Variants in DZANK1 observed in about 807,000 individuals in gnomAD.
DZANK1 encodes the protein double zinc ribbon and ankyrin repeat domains 1.
A neutral mutation model predicts 94.5 loss-of-function variants in DZANK1; 91 were observed. The observed-to-expected ratio is 0.96, with a 90% CI of 0.81 to 1.15. The LOEUF is 1.15. Among genes scored for constraint, DZANK1 ranks in the 50% most tolerant of loss-of-function variants. DZANK1 has a pLI of 0.00. For missense variants in DZANK1, 903 were observed against 916.4 expected, an observed-to-expected ratio of 0.99 and a Z score of 0.19; for synonymous variants, 312 against 325.3, an observed-to-expected ratio of 0.96 and a Z score of 0.44.
In DZANK1 at chr20:18,455,317, T is replaced by C; in HGVS notation, c.308A>G (p.Asp103Gly). 3 of 1,609,180 alleles carry C rather than the reference T, an allele frequency of 1.9e-6. No homozygotes were observed. The South Asian group carries it at 3.3e-5, about 18-fold the overall frequency. ...AGAGACTATATTTGGTGGTTCATAG[T>C]CTACGTGAAACACCTTTGTCACAAT... Residue 103 changes from aspartate to glycine, a missense_variant, in exon 4 of 21, where the codon GAC becomes GGC. Asp to Gly is a moderately conservative substitution (Grantham distance 94). Coordinates refer to ENST00000262547, the Ensembl canonical transcript of DZANK1.
chr20:18,436,905 A>G (rs2058546638), intron 8 of DZANK1, among the ~76,000 whole-genome samples: 1 of 152,242 alleles, frequency 6.6e-6, no homozygotes, highest in South Asian at 2.1e-4. Context: ...GAAAGAGAAA[A>G]TAATTGCTAA....
intron 13 of DZANK1, among the ~76,000 whole-genome samples, chr20:18,399,556 T>C (rs2056556604): frequency 6.6e-6 from 1 of 152,152 alleles, no homozygotes. Context: ...AATGTACCAT[T>C]TGGGGCTTGC....
intron 6 of DZANK1, among the ~76,000 whole-genome samples, chr20:18,450,496 C>A (rs1262394105): frequency 6.6e-6 from 1 of 152,180 alleles, no homozygotes; most frequent in Non-Finnish European, 1.5e-5. Context: ...TTGGCATTGG[C>A]TCCCATAGTG....
chr20:18,443,519 G>A, intron 7 of DZANK1, 55 bp from the exon 8 acceptor site: 1 of 1,014,490 alleles, frequency 9.9e-7, no homozygotes, highest in Non-Finnish European at 1.4e-6. Context: ...ACATTAAGAA[G>A]ACTGATAAAA....
In DZANK1 at chr20:18,435,537, T is replaced by C. The variant is rs149421990; in HGVS notation, c.748-1772A>G. On this transcript the variant is annotated intron_variant, in intron 8 of 20. Coordinates refer to ENST00000262547, the Ensembl canonical transcript of DZANK1. ...GCATGTTTTCACTCATAAGTGGGAG[T>C]TGAACAATGAGAACACATGGACACA... is the stretch of plus-strand genomic sequence containing the variant. Among the ~76,000 whole-genome samples, 364 of 151,518 alleles carry C rather than the reference T, an allele frequency of 2.4e-3. 5 individuals carry two copies. The highest frequency in any genetic ancestry group is 0.02 in the Admixed American group (305 of 15,182).
chr20:18,438,925 C>T (rs1415260598), intron 8 of DZANK1, among the ~76,000 whole-genome samples: 1 of 152,194 alleles, frequency 6.6e-6, no homozygotes, highest in African/African-American at 2.4e-5. Flanking sequence ...ACCTAATTAC[C>T]TCCCAAAGAC....
chr20:18,436,626 G>A (rs2058536890), intron 8 of DZANK1, among the ~76,000 whole-genome samples: 1 of 152,070 alleles, frequency 6.6e-6, no homozygotes, highest in Admixed American at 6.6e-5. Flanking sequence ...ACAGCAACAA[G>A]TAAGGGAAAG....
At chr20:18,429,704 T>C (rs561844296) in intron 9 of DZANK1, among the ~76,000 whole-genome samples, 2 of 152,384 alleles carry the variant, frequency 1.3e-5, no homozygotes, top group East Asian at 1.9e-4. Flanking sequence ...GTCTAAGTGA[T>C]GGTCTACTTT....
At chr20:18,445,891 G>A (rs1181557521) in intron 7 of DZANK1, among the ~76,000 whole-genome samples, 7 of 152,064 alleles carry the variant, frequency 4.6e-5, no homozygotes, top group Non-Finnish European at 1.0e-4. Flanking sequence ...CGAGTAGCTG[G>A]GATTGACAGG....
intron 5 of DZANK1, among the ~76,000 whole-genome samples, chr20:18,453,510 G>A (rs1369806646): frequency 1.3e-5 from 2 of 152,158 alleles, no homozygotes; most frequent in Non-Finnish European, 2.9e-5. Context: ...GCTCCCGGCA[G>A]TGGGTCAAGA....
intron 8 of DZANK1, among the ~76,000 whole-genome samples, chr20:18,437,098 A>G (rs1345913822): frequency 1.3e-5 from 2 of 152,196 alleles, no homozygotes; most frequent in Non-Finnish European, 2.9e-5. Context: ...GGAAGTGAGA[A>G]GACCAGATAT....
rs561010867 is a variant in DZANK1 at position 18,424,320 on chromosome 20, T to C, written c.954+2747A>G. On this transcript the variant is annotated intron_variant, in intron 10 of 20. Transcript: ENST00000262547. ...CAACAAAAAAATTAGTCAAGCATGG[T>C]GGCAGGCACCTGTAGTCCCAGCTAC... 4.4e-3 allele frequency among the ~76,000 whole-genome samples: 669 copies of C among 152,060 alleles called. 2 individuals carry two copies. The highest frequency in any genetic ancestry group is 7.3e-3 in the Non-Finnish European group (496 of 67,960).
chr20:18,408,710 A>C (rs1318399860), intron 13 of DZANK1, among the ~76,000 whole-genome samples: 1 of 152,256 alleles, frequency 6.6e-6, no homozygotes, highest in East Asian at 1.9e-4. Context: ...AGATCTTCCC[A>C]AAGAAAAGCT....
intron 13 of DZANK1, among the ~76,000 whole-genome samples, chr20:18,405,790 A>C (rs192059238): frequency 6.6e-6 from 1 of 152,258 alleles, no homozygotes; most frequent in Non-Finnish European, 1.5e-5. Context: ...GGCATCGAGA[A>C]GGGCAGGAGA....
At chr20:18,446,083 A>T (rs1194274555) in intron 7 of DZANK1, among the ~76,000 whole-genome samples, 2 of 152,112 alleles carry the variant, frequency 1.3e-5, no homozygotes, top group Non-Finnish European at 2.9e-5. Flanking sequence ...AAAAAAGAAA[A>T]AAAGTTTTTT....
At chr20:18,394,642 G>A (rs752940440) in intron 15 of DZANK1, 2 of 594,376 alleles carry the variant, frequency 3.4e-6, no homozygotes, top group Non-Finnish European at 6.5e-6. Flanking sequence ...ACAGGGGTCT[G>A]CCAGCCTCCC....
At chr20:18,434,095 A>G (rs1251086336) in intron 8 of DZANK1, among the ~76,000 whole-genome samples, 1 of 152,190 alleles carries the variant, frequency 6.6e-6, no homozygotes, top group Non-Finnish European at 1.5e-5. Context: ...AGTAAATAAT[A>G]GAAAATAAAA....
chr20:18,406,121 G>C (rs1445453327), intron 13 of DZANK1, among the ~76,000 whole-genome samples: 2 of 152,228 alleles, frequency 1.3e-5, no homozygotes, highest in African/African-American at 4.8e-5. Flanking sequence ...GGCAGTCTAG[G>C]ACACAAAGAC....
At chr20:18,393,610 G>A in intron 17 of DZANK1, 101 bp downstream of exon 17, 1 of 765,314 alleles carries the variant, frequency 1.3e-6, no homozygotes. Context: ...AAAAGGAACA[G>A]AAAATGAGAA....
Sources: allele counts gnomAD v4.1 joint callset (sites outside exome capture counted in the v4.1 genomes callset), GRCh38; gene constraint gnomAD v4.1.1; transcripts MANE v1.5; gene names NCBI Gene and HGNC (gene_info 2026-07-23, HGNC 2026-07-21).